The following WDR44 variants were observed in gnomAD, a reference collection of about 807,000 sequenced individuals.
WDR44 encodes the protein WD repeat-containing protein 44.
In WDR44, 9 loss-of-function variants were observed where a neutral mutation model predicts 65.7. The ratio of observed to expected loss-of-function variants is 0.14; its 90% CI spans 0.08 to 0.24. The LOEUF (loss-of-function observed/expected upper bound fraction) is 0.24. Among genes scored for constraint, WDR44 ranks in the 10% least tolerant of loss-of-function variants. WDR44 has a pLI of 1.00. For synonymous variants in WDR44, 220 were observed against 235.2 expected, an observed-to-expected ratio of 0.94 and a Z score of 0.59; for missense variants, 425 against 670.9, an observed-to-expected ratio of 0.63 and a Z score of 4.05.
chrX:118,415,026 G>A (rs2057045057), intron 12 of WDR44, among the ~76,000 whole-genome samples: 1 of 111,523 alleles, frequency 9.0e-6, no homozygotes, highest in African/African-American at 3.3e-5. Flanking sequence ...TGTCATAGAT[G>A]GCTTTTATTA....
intron 14 of WDR44, among the ~76,000 whole-genome samples, chrX:118,437,409 C>T (rs185318565): frequency 9.0e-6 from 1 of 111,663 alleles, no homozygotes; most frequent in East Asian, 2.8e-4. Context: ...AGGATGGAGC[C>T]ACCAAATGCT....
chrX:118,397,362 G>A (rs1488168515), intron 7 of WDR44, among the ~76,000 whole-genome samples: 1 of 110,926 alleles, frequency 9.0e-6, no homozygotes, highest in Non-Finnish European at 1.9e-5. Flanking sequence ...TTATACTTGA[G>A]ACAATATAAA....
chrX:118,406,462 A>C (rs2056968619), intron 9 of WDR44, among the ~76,000 whole-genome samples: 1 of 111,903 alleles, frequency 8.9e-6, no homozygotes, highest in African/African-American at 3.2e-5. Flanking sequence ...CACATATCTT[A>C]ACCTCCTATG....
At chrX:118,426,736 A>G (rs2057160151) in intron 12 of WDR44, among the ~76,000 whole-genome samples, 1 of 111,239 alleles carries the variant, frequency 9.0e-6, no homozygotes, top group African/African-American at 3.3e-5. Flanking sequence ...ATATATGTAT[A>G]TAACATTTTA....
chrX:118,406,900 T>A lies in WDR44; in HGVS notation c.1407T>A (p.Pro469=). The A allele has an allele frequency of 2.5e-6, 3 of 1,210,632 alleles. No homozygotes were observed. The highest frequency in any genetic ancestry group is 3.4e-6 in the Non-Finnish European group (3 of 894,738). ...DEVFHTDQDD[P]SSSDDEGMPY... ...TGTTTCATACTGATCAAGATGATCC[T>A]TCATCAAGTGATGATGAAGGAATGC... Residue 469 remains proline, a synonymous_variant, in exon 10 of 20, where the codon CCT becomes CCA. Transcript: ENST00000254029.
At chrX:118,410,502 C>T (rs1028692615) in intron 11 of WDR44, among the ~76,000 whole-genome samples, 6 of 111,582 alleles carry the variant, frequency 5.4e-5, no homozygotes, top group African/African-American at 1.6e-4. Context: ...AGCTGTGTGT[C>T]ATTTCTTTTA....
At chrX:118,423,816 G>T (rs1429046961) in intron 12 of WDR44, among the ~76,000 whole-genome samples, 1 of 111,932 alleles carries the variant, frequency 8.9e-6, no homozygotes, top group Admixed American at 9.5e-5. Flanking sequence ...TGAGTTTGTT[G>T]TTTCTAGATT....
intron 12 of WDR44, among the ~76,000 whole-genome samples, chrX:118,429,580 C>T (rs111530455): frequency 4.5e-5 from 4 of 88,658 alleles, no homozygotes; most frequent in Admixed American, 1.4e-4. Flanking sequence ...CAGAGCAAGA[C>T]TCAGTCTCAA....
At position 118,432,905 on chromosome X, in the gene WDR44, C is replaced by T; in HGVS notation, c.1851+11C>T. 2 of 1,158,938 alleles carry T rather than the reference C, an allele frequency of 1.7e-6. No homozygotes were observed. The highest frequency in any genetic ancestry group is 3.5e-5 in the African/African-American group (2 of 56,718). Reference sequence around the variant, plus strand: ...CTTTCATGGTCTAAAGTAAGAAATTCTTATTTGAATCATATAGTAATTCTG... The same window carrying T: ...CTTTCATGGTCTAAAGTAAGAAATTTTTATTTGAATCATATAGTAATTCTG... On this transcript the variant is annotated intron_variant, in intron 13 of 19. Transcript: ENST00000254029.
intron 6 of WDR44, among the ~76,000 whole-genome samples, chrX:118,396,550 A>T (rs1177123032): frequency 8.9e-6 from 1 of 112,404 alleles, no homozygotes; most frequent in Non-Finnish European, 1.9e-5. Flanking sequence ...GTTAAGTTAA[A>T]GAAACCGACA....
intron 1 of WDR44, among the ~76,000 whole-genome samples, chrX:118,370,808 T>G (rs1231090766): frequency 3.6e-5 from 4 of 110,014 alleles, no homozygotes; most frequent in Non-Finnish European, 7.6e-5. Context: ...GGTCTTGATC[T>G]CCTGACCTCG....
At position 118,355,661 on chromosome X, in the gene WDR44, T is replaced by C. The variant is rs5956952; in HGVS notation, c.77+9081T>C. Among the ~76,000 whole-genome samples, 313 of 112,238 alleles carry C rather than the reference T, an allele frequency of 2.8e-3. 3 individuals carry two copies. The highest frequency in any genetic ancestry group is 9.6e-3 in the African/African-American group (297 of 30,906). On this transcript the variant is annotated intron_variant, in intron 1 of 19. Coordinates refer to ENST00000254029, the MANE Select transcript of WDR44 (RefSeq NM_019045.5). ...TAGCTGTTGACTTTTAACCTTTGCCTTATTTCCCAGCATAGTCCACAGTTA... is the reference window on the plus strand; with the variant it reads ...TAGCTGTTGACTTTTAACCTTTGCCCTATTTCCCAGCATAGTCCACAGTTA...
At chrX:118,415,162 T>G (rs1377381331) in intron 12 of WDR44, among the ~76,000 whole-genome samples, 1 of 112,266 alleles carries the variant, frequency 8.9e-6, no homozygotes, top group Non-Finnish European at 1.9e-5. Context: ...TTAATTCTGT[T>G]TATGTGGTGT....
At chrX:118,417,365 T>C (rs899867649) in intron 12 of WDR44, among the ~76,000 whole-genome samples, 4 of 112,219 alleles carry the variant, frequency 3.6e-5, no homozygotes, top group Non-Finnish European at 5.6e-5. Flanking sequence ...GCAGTTCTTA[T>C]AGTGGTGGCT....
chrX:118,370,219 A>G (rs1275822219), intron 1 of WDR44, among the ~76,000 whole-genome samples: 5 of 112,157 alleles, frequency 4.5e-5, no homozygotes, highest in African/African-American at 1.6e-4. Context: ...TGAAAAGACA[A>G]CCTACAGATT....
At chrX:118,409,456 G>C in intron 10 of WDR44, 33 bp from the exon 11 acceptor site, 5 of 1,201,634 alleles carry the variant, frequency 4.2e-6, no homozygotes, top group Admixed American at 2.3e-5. Flanking sequence ...AAGGTGTAAA[G>C]TATTAACTTT....
intron 2 of WDR44, among the ~76,000 whole-genome samples, chrX:118,379,459 T>C (rs755244767): frequency 8.1e-4 from 91 of 111,870 alleles, no homozygotes; most frequent in Non-Finnish European, 1.4e-3. Flanking sequence ...ATTTCAGCAC[T>C]AGAGTGTTGA....
chrX:118,424,331 ATATATATATATATATATG>A (rs1346082621), intron 12 of WDR44, among the ~76,000 whole-genome samples: 4 of 86,573 alleles, frequency 4.6e-5, no homozygotes, highest in South Asian at 5.3e-4. Context: ...GTGTATATAT[ATATATATATATATATATG>A]TATATATATA....
intron 12 of WDR44, among the ~76,000 whole-genome samples, chrX:118,412,773 T>C (rs1256251627): frequency 1.8e-5 from 2 of 111,538 alleles, no homozygotes; most frequent in Non-Finnish European, 1.9e-5. Context: ...ATAAGTTCTT[T>C]AGTGATTTTG....
Sources: gnomAD v4.1 joint callset for allele counts (sites outside exome capture counted in the v4.1 genomes callset) on GRCh38, gnomAD v4.1.1 for gene constraint, MANE v1.5 for transcripts, NCBI Gene and HGNC (gene_info 2026-07-23, HGNC 2026-07-21) for gene names.